ATAD2B: variants seen among roughly 807,000 people sequenced by gnomAD.
ATAD2B encodes the protein ATPase family AAA domain containing 2B, also known as ATPase family AAA domain-containing protein 2B.
ATAD2B carries 40 observed loss-of-function variants against 167.6 expected under a neutral mutation model. That is an observed-to-expected ratio of 0.24 (90% CI 0.19 to 0.31). ATAD2B has a LOEUF of 0.31. ATAD2B is among the 10% of genes least tolerant of loss of function. ATAD2B has a pLI of 1.00. For missense variants in ATAD2B, 1,242 were observed against 1,757.2 expected, an observed-to-expected ratio of 0.71 and a Z score of 5.24; for synonymous variants, 579 against 596.5, an observed-to-expected ratio of 0.97 and a Z score of 0.43.
intron 22 of ATAD2B, among the ~76,000 whole-genome samples, chr2:23,776,110 G>A (rs144152314): frequency 0.011 from 1,655 of 152,180 alleles, 15 homozygotes; most frequent in Non-Finnish European, 0.018. Context: ...GCAAGACTCC[G>A]TCTCAAAAAT....
At chr2:23,738,284 C>A in the ATAD2B span, among the ~76,000 whole-genome samples, 2 of 152,252 alleles carry the variant, frequency 1.3e-5, no homozygotes, top group South Asian at 4.2e-4. Context: ...AACAAATGTT[C>A]AGGGCAGCCA....
At chr2:23,782,817 A>G in intron 22 of ATAD2B, 52 bp downstream of exon 22, 1 of 1,474,700 alleles carries the variant, frequency 6.8e-7, no homozygotes, top group Admixed American at 2.0e-5. Flanking sequence ...TTTAAACGGT[A>G]AACTGTCTTC....
chr2:23,705,490 C>CA, the ATAD2B span, among the ~76,000 whole-genome samples: 414 of 122,444 alleles, frequency 3.4e-3, no homozygotes, highest in African/African-American at 7.4e-3. Flanking sequence ...GACTCCGTCT[C>CA]AAAAAAAAAA....
At chr2:23,867,809 T>G (rs776119802) in intron 10 of ATAD2B, 26 bp downstream of exon 10, 2 of 1,519,504 alleles carry the variant, frequency 1.3e-6, no homozygotes, top group Non-Finnish European at 1.8e-6. Context: ...AAAGAAAACT[T>G]CTAGAAAAAC....
the ATAD2B span, among the ~76,000 whole-genome samples, chr2:23,719,526 AC>A: frequency 3.9e-5 from 6 of 152,110 alleles, no homozygotes; most frequent in Non-Finnish European, 8.8e-5. Context: ...ATATCCCAGA[AC>A]TCATATATGA....
In ATAD2B at chr2:23,882,824, C is replaced by A. The variant is rs115559719; in HGVS notation, c.784+1941G>T. On this transcript the variant is annotated intron_variant, in intron 6 of 27. Coordinates refer to ENST00000238789, the MANE Select transcript of ATAD2B (RefSeq NM_017552.4). ...GACTCCATCTCAACAACAACAACAA[C>A]AAAAAAAAAAAGATCTGATGAAAAT... 4.3e-3 allele frequency among the ~76,000 whole-genome samples: 492 copies of A among 113,582 alleles called. 1 individual carries two copies. The highest frequency in any genetic ancestry group is 0.016 in the East Asian group (72 of 4,510). The allele number at this position is 113,582 out of a possible 152,430, so 74.5% of individuals were successfully genotyped here. A position where few individuals can be genotyped will look rare whatever the true frequency, so the allele number is the denominator to read the frequency against.
the ATAD2B span, among the ~76,000 whole-genome samples, chr2:23,711,956 C>T: frequency 1.3e-5 from 2 of 152,174 alleles, no homozygotes; most frequent in Non-Finnish European, 2.9e-5. Context: ...TTCATCTTCA[C>T]CCTTTAAGAA....
chr2:23,812,979 G>T (rs898545139), intron 17 of ATAD2B, among the ~76,000 whole-genome samples: 1 of 152,154 alleles, frequency 6.6e-6, no homozygotes, highest in South Asian at 2.1e-4. Flanking sequence ...TTATTAAACA[G>T]ATAAGAAACC....
At chr2:23,906,815 A>C (rs1206019584) in intron 1 of ATAD2B, among the ~76,000 whole-genome samples, 4 of 152,030 alleles carry the variant, frequency 2.6e-5, no homozygotes, top group African/African-American at 9.7e-5. Flanking sequence ...GGTTCAATAC[A>C]CGCAAATCAA....
chr2:23,710,600 A>T, the ATAD2B span, among the ~76,000 whole-genome samples: 5 of 152,232 alleles, frequency 3.3e-5, no homozygotes, highest in African/African-American at 1.2e-4. Flanking sequence ...TCATAAAACT[A>T]TGAGAAAAGT....
intron 21 of ATAD2B, 69 bp from the exon 22 acceptor site, chr2:23,783,097 A>C: frequency 1.3e-6 from 1 of 795,558 alleles, no homozygotes; most frequent in Non-Finnish European, 1.8e-6. Flanking sequence ...AAAACACAAA[A>C]TAAAAACAAA....
At chr2:23,774,899 T>C (rs1300170172) in intron 22 of ATAD2B, among the ~76,000 whole-genome samples, 3 of 152,250 alleles carry the variant, frequency 2.0e-5, no homozygotes, top group Non-Finnish European at 4.4e-5. Context: ...AAACCCTGTC[T>C]GAAAATAAAT....
At chr2:23,691,706 A>T in the ATAD2B span, 1 of 1,551,806 alleles carries the variant, frequency 6.4e-7, no homozygotes, top group Non-Finnish European at 8.7e-7. Flanking sequence ...GGCGGCCGGG[A>T]GAAGCTGGAG....
intron 14 of ATAD2B, among the ~76,000 whole-genome samples, chr2:23,831,126 C>T (rs963421425): frequency 3.9e-5 from 6 of 152,006 alleles, no homozygotes; most frequent in East Asian, 1.9e-4. Context: ...TATGGCAAAC[C>T]GAATAGTAAG....
the ATAD2B span, among the ~76,000 whole-genome samples, chr2:23,704,195 G>A: frequency 6.6e-6 from 1 of 152,232 alleles, no homozygotes; most frequent in Non-Finnish European, 1.5e-5. Context: ...CAGACAGAAG[G>A]CAGTGCCAGG....
chr2:23,796,586 C>A (rs982732588), intron 19 of ATAD2B, among the ~76,000 whole-genome samples: 1 of 152,182 alleles, frequency 6.6e-6, no homozygotes, highest in African/African-American at 2.4e-5. Flanking sequence ...ATATTCCCAA[C>A]TAGAACCCTC....
chr2:23,740,390 G>C, the ATAD2B span, among the ~76,000 whole-genome samples: 1 of 151,988 alleles, frequency 6.6e-6, no homozygotes, highest in Non-Finnish European at 1.5e-5. Flanking sequence ...TGCAAGGCTG[G>C]TTCAACATAC....
chr2:23,853,640 G>A (rs1036921186), intron 13 of ATAD2B, among the ~76,000 whole-genome samples: 1 of 152,172 alleles, frequency 6.6e-6, no homozygotes, highest in Non-Finnish European at 1.5e-5. Flanking sequence ...CAAATAGATC[G>A]AAGGATTAAT....
rs1675099085 is a variant in ATAD2B, at chr2:23,749,154, A to G, written c.*2892T>C. On this transcript the variant is annotated 3_prime_UTR_variant, in exon 28 of 28. Transcript: ENST00000238789. ...AATACATTGGCTTATGAGAAAAATC[A>G]AGTCATGAAACAACATTAAAAAAAA... The G allele has an allele frequency of 6.6e-6, 1 of 151,882 alleles. No homozygotes were observed. Among genetic ancestry groups the G allele is most frequent in the South Asian group, 2.1e-4 (1 of 4,822 alleles). The allele number at this position is 151,882 out of a possible 1,614,324, so 9.4% of individuals were successfully genotyped here. A position where few individuals can be genotyped will look rare whatever the true frequency, so the allele number is the denominator to read the frequency against.
Sources: gnomAD v4.1 joint callset for allele counts (sites outside exome capture counted in the v4.1 genomes callset) on GRCh38, gnomAD v4.1.1 for gene constraint, MANE v1.5 for transcripts, NCBI Gene and HGNC (gene_info 2026-07-23, HGNC 2026-07-21) for gene names.